The following CCN4 variants were observed in gnomAD, a reference collection of about 807,000 sequenced individuals.
CCN4 encodes cellular communication network factor 4.
A neutral mutation model predicts 36.7 loss-of-function variants in CCN4; 30 were observed. The observed-to-expected ratio is 0.82, with a 90% CI of 0.61 to 1.11. The LOEUF (loss-of-function observed/expected upper bound fraction) is 1.11. CCN4 is among the 50% of genes least tolerant of loss of function. The pLI is 0.00. For missense variants in CCN4, 505 were observed against 504.9 expected, an observed-to-expected ratio of 1.00 and a Z score of 0.00; for synonymous variants, 191 against 195.4, an observed-to-expected ratio of 0.98 and a Z score of 0.19.
chr8:133,210,574 G>A (rs545051978), intron 1 of CCN4, among the ~76,000 whole-genome samples: 2 of 152,206 alleles, frequency 1.3e-5, no homozygotes, highest in African/African-American at 4.8e-5. Context: ...GCCTTCCAAG[G>A]CCACATCGCC....
At position 133,227,945 on chromosome 8, in the gene CCN4, G is replaced by A; in HGVS notation, c.*235G>A. The A allele has an allele frequency of 2.0e-6, 1 of 512,694 alleles. No individual in the cohort carries two copies. The highest frequency in any genetic ancestry group is 3.4e-6 in the Non-Finnish European group (1 of 291,310). The allele number at this position is 512,694 out of a possible 1,614,324, so 31.8% of individuals were successfully genotyped here. On this transcript the variant is annotated 3_prime_UTR_variant, in exon 5 of 5. Coordinates refer to ENST00000250160, the MANE Select transcript of CCN4 (RefSeq NM_003882.4). ...TAAAGAAAAATGCCTGTCTCTAGCT[G>A]TTCTGGACTACACCCAAGCCTGATC...
intron 1 of CCN4, among the ~76,000 whole-genome samples, chr8:133,210,275 C>T (rs1853957899): frequency 1.3e-5 from 2 of 152,078 alleles, no homozygotes; most frequent in African/African-American, 2.4e-5. Context: ...GCCAAGAGCA[C>T]GTCCTGAGTG....
intron 1 of CCN4, among the ~76,000 whole-genome samples, chr8:133,204,015 C>T (rs1853678919): frequency 1.3e-5 from 2 of 152,190 alleles, no homozygotes; most frequent in Non-Finnish European, 2.9e-5. Context: ...TGAAACATTT[C>T]CTCCAGGGCT....
Position 133,227,391 on chromosome 8 carries a change from G to A in CCN4, c.805-20G>A, listed in dbSNP as rs772509022. 6.3e-7 allele frequency: 1 copy of A among 1,592,172 alleles called. No individual in the cohort carries two copies. The highest frequency in any genetic ancestry group is 8.6e-7 in the Non-Finnish European group (1 of 1,168,230). On this transcript the variant is annotated intron_variant, in intron 4 of 4. Transcript: ENST00000250160. ...CATTCTCTGAGCACTCCCACTGAAA[G>A]CTCCTTTCCTTTCCTTCAGGCAGGG...
intron 1 of CCN4, among the ~76,000 whole-genome samples, chr8:133,194,010 A>G (rs1853211727): frequency 6.6e-6 from 1 of 152,176 alleles, no homozygotes; most frequent in Non-Finnish European, 1.5e-5. Context: ...ATTGGGACTA[A>G]CTGTCTCACC....
At position 133,225,378 on chromosome 8, in the gene CCN4, C is replaced by A. The variant is rs373183468; in HGVS notation, c.611-12C>A. 233 of 1,581,962 alleles carry A rather than the reference C, an allele frequency of 1.5e-4. No homozygotes were observed. The African/African-American group carries it at 2.7e-3, about 19-fold the overall frequency. ...GCTGTAGATTCATGCAGATTCTGTT[C>A]CCCACACACAGATGCTGTGGGTGAG... On this transcript the variant is annotated splice_polypyrimidine_tract_variant and intron_variant, in intron 3 of 4. Coordinates refer to ENST00000250160, the MANE Select transcript of CCN4 (RefSeq NM_003882.4).
At position 133,227,971 on chromosome 8, in the gene CCN4, C is replaced by T. The variant is rs529162914; in HGVS notation, c.*261C>T. ...TTCTGGACTACACCCAAGCCTGATC[C>T]AGCCTTTCCAAGTCACTAGAAGTCC... On this transcript the variant is annotated 3_prime_UTR_variant, in exon 5 of 5. Transcript: ENST00000250160. The T allele has an allele frequency of 7.7e-6, 3 of 387,768 alleles. No homozygotes were observed. The highest frequency in any genetic ancestry group is 2.0e-5 in the African/African-American group (1 of 49,330). The allele number at this position is 387,768 out of a possible 1,614,324, so 24.0% of individuals were successfully genotyped here.
intron 1 of CCN4, among the ~76,000 whole-genome samples, chr8:133,200,277 G>A (rs952678664): frequency 6.6e-6 from 1 of 152,168 alleles, no homozygotes; most frequent in African/African-American, 2.4e-5. Flanking sequence ...CTTGTCCAAG[G>A]CCACCAGCTT....
rs759922678 is a variant in CCN4, at chr8:133,215,442, TAA to T, written c.349+2303_349+2304del. On this transcript the variant is annotated intron_variant, in intron 2 of 4. Coordinates refer to ENST00000250160, the MANE Select transcript of CCN4 (RefSeq NM_003882.4). ...AGTAAAAACTGTTCTTCAAGGTCAT[TAA>T]AAAGATACTTCTTTTCACTACCATT... Among the ~76,000 whole-genome samples the T allele has an allele frequency of 6.9e-3, 1,046 of 152,332 alleles. 6 individuals are homozygous for T. The highest frequency in any genetic ancestry group is 0.012 in the Non-Finnish European group (839 of 68,032).
chr8:133,219,559 T>G (rs557542230), intron 2 of CCN4, among the ~76,000 whole-genome samples: 1 of 152,382 alleles, frequency 6.6e-6, no homozygotes, highest in African/African-American at 2.4e-5. Flanking sequence ...ATCTCACTTT[T>G]GTTACTCTAT....
chr8:133,227,573 C>T lies in CCN4; in HGVS notation c.967C>T (p.Gln323Ter), dbSNP rs534157156. ...GTCTAAGACTATCGACGTGTCCTTC[C>T]AGTGTCCTGATGGGCTTGGCTTCTC... ...YKSKTIDVSF[Q>*]CPDGLGFSRQ... Residue 323 changes from glutamine (Q) to a stop codon, truncating the protein, a stop_gained, in exon 5 of 5, where the codon CAG (glutamine) becomes TAG (stop). Coordinates refer to ENST00000250160, the MANE Select transcript of CCN4 (RefSeq NM_003882.4). LOFTEE classifies it high-confidence loss of function. 2 of 1,614,230 alleles carry T rather than the reference C, an allele frequency of 1.2e-6. No homozygotes were observed. Among genetic ancestry groups the T allele is most frequent in the South Asian group, 1.1e-5 (1 of 91,084 alleles).
intron 3 of CCN4, among the ~76,000 whole-genome samples, chr8:133,221,919 A>AT: frequency 6.8e-6 from 1 of 146,906 alleles, no homozygotes; most frequent in East Asian, 2.1e-4. Context: ...GGATGGATGG[A>AT]GGATGGATGG....
At chr8:133,217,103 CT>C (rs2130597981) in intron 2 of CCN4, among the ~76,000 whole-genome samples, 1 of 152,324 alleles carries the variant, frequency 6.6e-6, no homozygotes, top group African/African-American at 2.4e-5. Flanking sequence ...GTCTCAGTTT[CT>C]TCTTCAAGGA....
At chr8:133,213,293 G>T in intron 2 of CCN4, 150 bp downstream of exon 2, 1 of 995,372 alleles carries the variant, frequency 1.0e-6, no homozygotes, top group South Asian at 1.8e-5. Flanking sequence ...CCAGAGGCTG[G>T]GTCCTTCCTG....
intron 1 of CCN4, among the ~76,000 whole-genome samples, chr8:133,209,807 G>A (rs1443408500): frequency 6.6e-6 from 1 of 152,204 alleles, no homozygotes; most frequent in Admixed American, 6.5e-5. Context: ...CATGTGACAT[G>A]TGCCAGGCCC....
intron 2 of CCN4, among the ~76,000 whole-genome samples, chr8:133,215,288 TC>T (rs761593607): frequency 6.6e-6 from 1 of 152,196 alleles, no homozygotes; most frequent in Non-Finnish European, 1.5e-5. Flanking sequence ...ATGCTAAAGT[TC>T]AAGAATTGCT....
chr8:133,222,381 G>C (rs1475443300), intron 3 of CCN4, among the ~76,000 whole-genome samples: 1 of 150,384 alleles, frequency 6.6e-6, no homozygotes, highest in African/African-American at 2.5e-5. Flanking sequence ...TTGGGCCAAG[G>C]GAGATCTACT....
At chr8:133,207,094 C>G (rs1000335276) in intron 1 of CCN4, among the ~76,000 whole-genome samples, 3 of 152,212 alleles carry the variant, frequency 2.0e-5, no homozygotes, top group Admixed American at 2.0e-4. Context: ...GTTCCCTGCT[C>G]ATGCAGGGAC....
chr8:133,221,172 G>A (rs898806789), intron 3 of CCN4, among the ~76,000 whole-genome samples: 2 of 152,242 alleles, frequency 1.3e-5, no homozygotes, highest in Non-Finnish European at 2.9e-5. Context: ...GGTACCTGAG[G>A]AGAGGAGGTA....
Sources: gnomAD v4.1 joint callset for allele counts (sites outside exome capture counted in the v4.1 genomes callset) on GRCh38, gnomAD v4.1.1 for gene constraint, MANE v1.5 for transcripts, NCBI Gene and HGNC (gene_info 2026-07-23, HGNC 2026-07-21) for gene names.